The following CSMD1 variants were observed in gnomAD, a reference collection of about 807,000 sequenced individuals.
CSMD1 encodes CUB and sushi domain-containing protein 1.
CSMD1 carries 213 observed loss-of-function variants against 417.5 expected under a neutral mutation model. The ratio of observed to expected loss-of-function variants is 0.51; its 90% confidence interval spans 0.46 to 0.57. CSMD1 has a LOEUF of 0.57. CSMD1 is among the 20% of genes least tolerant of loss of function. The probability of loss-of-function intolerance (pLI) is 0.00; values close to 1 mark genes in which losing one functional copy is unlikely to be tolerated. For synonymous variants in CSMD1, 2,862 were observed against 1,736.8 expected (o/e 1.65, Z -16.11); for missense variants, 6,923 against 4,529.7 (o/e 1.53, Z -15.17).
At chr8:3,382,965 A>G (rs1335289088) in intron 18 of CSMD1, among the ~76,000 whole-genome samples, 1 of 152,218 alleles carries the variant, frequency 6.6e-6, no homozygotes, top group African/African-American at 2.4e-5. Context: ...GCTCACAGGC[A>G]TGGCCACTTA....
At chr8:4,920,282 C>T (rs572188483) in intron 1 of CSMD1, among the ~76,000 whole-genome samples, 7 of 151,974 alleles carry the variant, frequency 4.6e-5, no homozygotes, top group Non-Finnish European at 8.8e-5. Context: ...CTGAAATGAG[C>T]GATCCAAGGC....
At chr8:4,404,574 C>G (rs909417012) in intron 3 of CSMD1, among the ~76,000 whole-genome samples, 12 of 151,738 alleles carry the variant, frequency 7.9e-5, no homozygotes, top group African/African-American at 2.9e-4. Flanking sequence ...TTAAAACTCA[C>G]TTAAATTTTA....
intron 17 of CSMD1, among the ~76,000 whole-genome samples, chr8:3,395,587 T>G (rs1291414516): frequency 6.6e-6 from 1 of 152,222 alleles, no homozygotes; most frequent in South Asian, 2.1e-4. Flanking sequence ...GCAAAATACA[T>G]TCCATTATAA....
intron 7 of CSMD1, among the ~76,000 whole-genome samples, chr8:3,693,662 T>A (rs1472921943): frequency 6.6e-6 from 1 of 152,178 alleles, no homozygotes; most frequent in Non-Finnish European, 1.5e-5. Flanking sequence ...AGTTATTAGG[T>A]AATAAAAAGA....
chr8:3,805,530 A>T (rs1297343496), intron 5 of CSMD1, among the ~76,000 whole-genome samples: 1 of 152,108 alleles, frequency 6.6e-6, no homozygotes, highest in Non-Finnish European at 1.5e-5. Context: ...GAACACTTTC[A>T]TCTGCAGTGG....
chr8:3,721,573 T>C (rs1802177413), intron 6 of CSMD1, among the ~76,000 whole-genome samples: 1 of 152,204 alleles, frequency 6.6e-6, no homozygotes, highest in African/African-American at 2.4e-5. Flanking sequence ...ATTCCAGTGG[T>C]ATTTCAGGTT....
chr8:4,742,929 A>T (rs1333413668), intron 1 of CSMD1, among the ~76,000 whole-genome samples: 1 of 152,212 alleles, frequency 6.6e-6, no homozygotes. Flanking sequence ...AAATTGTAAA[A>T]ATGTATAAAT....
intron 1 of CSMD1, among the ~76,000 whole-genome samples, chr8:4,842,214 G>C (rs1800885931): frequency 6.6e-6 from 1 of 152,204 alleles, no homozygotes; most frequent in Non-Finnish European, 1.5e-5. Context: ...GGTGAATTGA[G>C]TGTGGGAATT....
intron 1 of CSMD1, among the ~76,000 whole-genome samples, chr8:4,846,924 A>G (rs1441038474): frequency 6.6e-6 from 1 of 152,210 alleles, no homozygotes; most frequent in African/African-American, 2.4e-5. Flanking sequence ...TGTGCTTCTA[A>G]AACAGGCTAT....
chr8:3,913,457 C>A (rs1035539281), intron 5 of CSMD1, among the ~76,000 whole-genome samples: 2 of 152,136 alleles, frequency 1.3e-5, no homozygotes, highest in African/African-American at 4.8e-5. Flanking sequence ...ATGTAACCTC[C>A]AGACTGGAAG....
At chr8:3,343,136 G>T (rs550227164) in intron 23 of CSMD1, among the ~76,000 whole-genome samples, 158 bp downstream of exon 23, 1 of 151,974 alleles carries the variant, frequency 6.6e-6, no homozygotes, top group Admixed American at 6.6e-5. Flanking sequence ...TAATGTGTCC[G>T]AATATACAAC....
chr8:3,978,621 AC>A (rs1353817139), intron 5 of CSMD1, among the ~76,000 whole-genome samples: 3 of 152,066 alleles, frequency 2.0e-5, no homozygotes, highest in Non-Finnish European at 4.4e-5. Flanking sequence ...TTGGAAGGAA[AC>A]GTCTCGTCGC....
intron 5 of CSMD1, among the ~76,000 whole-genome samples, chr8:3,926,332 T>C (rs141942110): frequency 2.5e-4 from 38 of 152,286 alleles, no homozygotes; most frequent in African/African-American, 9.1e-4. Context: ...TATTACACAC[T>C]ATTTATTTTA....
intron 3 of CSMD1, among the ~76,000 whole-genome samples, chr8:4,310,019 T>G (rs1798471996): frequency 6.6e-6 from 1 of 152,114 alleles, no homozygotes; most frequent in Non-Finnish European, 1.5e-5. Flanking sequence ...CGCTAAAAGG[T>G]ATGAAAAGCC....
rs566192198 is a variant in CSMD1, at chr8:4,467,023, G to T, written c.303-46958C>A. Reference sequence around the variant, plus strand: ...TCAACATAGCTCAACTGGCCTCAAAGGCAACAAAAGTCTGTTTCATGGCAG... The same window carrying T: ...TCAACATAGCTCAACTGGCCTCAAATGCAACAAAAGTCTGTTTCATGGCAG... On this transcript the variant is annotated intron_variant, in intron 2 of 69. Coordinates refer to ENST00000635120, the MANE Select transcript of CSMD1 (RefSeq NM_033225.6). Among the ~76,000 whole-genome samples, 142 of 149,358 alleles carry T rather than the reference G, an allele frequency of 9.5e-4. 2 individuals are homozygous for T. In the South Asian group the frequency reaches 0.018, roughly 19 times the overall value.
intron 3 of CSMD1, among the ~76,000 whole-genome samples, chr8:4,111,616 G>A (rs574850569): frequency 2.6e-5 from 4 of 152,232 alleles, no homozygotes; most frequent in Admixed American, 1.3e-4. Flanking sequence ...TATGTCCTTT[G>A]TAGGGACGTG....
chr8:4,279,087 T>C (rs1023670410), intron 3 of CSMD1, among the ~76,000 whole-genome samples: 23 of 151,800 alleles, frequency 1.5e-4, no homozygotes, highest in African/African-American at 5.3e-4. Flanking sequence ...ATTTTCCTAA[T>C]TTTTTTTTAA....
intron 65 of CSMD1, among the ~76,000 whole-genome samples, chr8:2,951,763 C>T (rs1802654453): frequency 6.6e-6 from 1 of 152,174 alleles, no homozygotes; most frequent in Non-Finnish European, 1.5e-5. Flanking sequence ...CATATCCCAG[C>T]ACCAAGTGGA....
chr8:4,874,155 T>G (rs770714346), intron 1 of CSMD1, among the ~76,000 whole-genome samples: 1 of 152,064 alleles, frequency 6.6e-6, no homozygotes, highest in African/African-American at 2.4e-5. Flanking sequence ...TTTTTCAAAA[T>G]AGCTTTATAC....
Sources: gnomAD v4.1 joint callset for allele counts (sites outside exome capture counted in the v4.1 genomes callset) on GRCh38, gnomAD v4.1.1 for gene constraint, MANE v1.5 for transcripts, NCBI Gene and HGNC (gene_info 2026-07-23, HGNC 2026-07-21) for gene names.